SIK2: variants seen among roughly 807,000 people sequenced by gnomAD.
The protein encoded by SIK2 is salt inducible kinase 2.
Under a neutral mutation model 103.2 loss-of-function variants are expected in SIK2, and 29 were observed. The observed-to-expected ratio is 0.28, with a 90% CI of 0.21 to 0.38. The LOEUF is 0.38. SIK2 is among the 10% of genes least tolerant of loss of function. The pLI is 1.00. For synonymous variants in SIK2, 412 were observed against 446.1 expected (o/e 0.92, Z 0.96); for missense variants, 879 against 1,171.0 (o/e 0.75, Z 3.64).
At chr11:111,684,848 G>A (rs757362415) in intron 3 of SIK2, among the ~76,000 whole-genome samples, 1 of 152,208 alleles carries the variant, frequency 6.6e-6, no homozygotes, top group Non-Finnish European at 1.5e-5. Context: ...GCAAAGGCAA[G>A]AGGAAGATGT....
rs765575944 is a variant in SIK2 at position 111,723,626 on chromosome 11, C to A, written c.2278C>A (p.Pro760Thr). The change falls in exon 15 of 15, where the codon CCG becomes ACG. Residue 760 changes from proline to threonine, a missense_variant. Physicochemically the swap from Pro to Thr is conservative, Grantham distance 38 (BLOSUM62 -1). Coordinates refer to ENST00000304987, the MANE Select transcript of SIK2 (RefSeq NM_015191.3). ...QLPLPRQETP[P>T]PSQQAPPFSL... is the part of the protein sequence containing the mutation. The stretch of plus-strand genomic sequence containing the variant: ...GCCCCTTCCCCGCCAGGAGACTCCA[C>A]CGCCTTCTCAGCAGGCCCCACCGTT... The A allele has an allele frequency of 6.2e-7, 1 of 1,613,662 alleles. No homozygotes were observed. Among genetic ancestry groups the A allele is most frequent in the Non-Finnish European group, 8.5e-7 (1 of 1,179,978 alleles).
intron 3 of SIK2, among the ~76,000 whole-genome samples, chr11:111,625,839 C>T (rs185935470): frequency 2.6e-5 from 4 of 152,210 alleles, no homozygotes; most frequent in African/African-American, 9.6e-5. Flanking sequence ...GGCAATGAGT[C>T]AAGAGAAGGA....
At chr11:111,682,143 G>A (rs1942785772) in intron 3 of SIK2, among the ~76,000 whole-genome samples, 1 of 152,166 alleles carries the variant, frequency 6.6e-6, no homozygotes, top group Non-Finnish European at 1.5e-5. Context: ...AGAAGAATCA[G>A]ATGTTATATT....
intron 1 of SIK2, among the ~76,000 whole-genome samples, chr11:111,604,792 T>C (rs562894291): frequency 6.6e-6 from 1 of 152,284 alleles, no homozygotes; most frequent in African/African-American, 2.4e-5. Context: ...GAAGCTGTTA[T>C]TAACATATAA....
chr11:111,720,415 G>A, intron 10 of SIK2, 63 bp from the exon 11 acceptor site: 2 of 1,478,110 alleles, frequency 1.4e-6, no homozygotes, highest in Non-Finnish European at 1.8e-6. Context: ...GTTATGCTTT[G>A]TACCCTATGT....
intron 3 of SIK2, among the ~76,000 whole-genome samples, chr11:111,635,403 A>AGGAAGGAAGGAGGGAGGGAGGG (rs1942094472): frequency 7.4e-6 from 1 of 134,826 alleles, no homozygotes; most frequent in Non-Finnish European, 1.6e-5. Context: ...AAAGGGAGAA[A>AGGAAGGAAGGAGGGAGGGAGGG]GGAAGGAAGG....
chr11:111,610,126 G>T, intron 1 of SIK2, among the ~76,000 whole-genome samples: 1 of 152,136 alleles, frequency 6.6e-6, no homozygotes, highest in East Asian at 1.9e-4. Context: ...AGCAACTTTT[G>T]TATATGTGGT....
intron 3 of SIK2, among the ~76,000 whole-genome samples, chr11:111,629,765 G>A (rs1942012811): frequency 6.6e-6 from 1 of 152,032 alleles, no homozygotes; most frequent in South Asian, 2.1e-4. Flanking sequence ...AAACCACAGG[G>A]AGATATCATT....
chr11:111,721,889 G>C lies in SIK2; in HGVS notation c.2004G>C (p.Gln668His). 6.2e-7 allele frequency: 1 copy of C among 1,612,662 alleles called. No individual in the cohort carries two copies. The highest frequency in any genetic ancestry group is 8.5e-7 in the Non-Finnish European group (1 of 1,179,300). ...CTCTCCCTGCCAGCGTGCATCCCCAGCTGTCCCCACGGCAGAGCCTGGAGA... is the reference window on the plus strand; with the variant it reads ...CTCTCCCTGCCAGCGTGCATCCCCACCTGTCCCCACGGCAGAGCCTGGAGA... ...VSTLPASVHP[Q>H]LSPRQSLETQ... Residue 668 changes from glutamine to histidine, a missense_variant, in exon 13 of 15, where the codon CAG (glutamine) becomes CAC (histidine). Physicochemically the swap from Gln to His is conservative, Grantham distance 24. Coordinates refer to ENST00000304987, the MANE Select transcript of SIK2 (RefSeq NM_015191.3).
intron 9 of SIK2, 80 bp downstream of exon 9, chr11:111,712,455 T>C: frequency 7.1e-7 from 1 of 1,414,526 alleles, no homozygotes; most frequent in Non-Finnish European, 9.5e-7. Context: ...GTACTTTGGC[T>C]TTATTGAACT....
chr11:111,643,684 G>A (rs1461581216), intron 3 of SIK2, among the ~76,000 whole-genome samples: 6 of 151,518 alleles, frequency 4.0e-5, no homozygotes, highest in Non-Finnish European at 8.8e-5. Flanking sequence ...GGTGGTGCGC[G>A]CCTGTACTCC....
chr11:111,670,441 G>T (rs1197082847), intron 3 of SIK2, among the ~76,000 whole-genome samples: 1 of 152,208 alleles, frequency 6.6e-6, no homozygotes, highest in Non-Finnish European at 1.5e-5. Context: ...ATATTTCAAA[G>T]AATCAAATCC....
At chr11:111,622,087 G>C (rs1216157428) in intron 3 of SIK2, among the ~76,000 whole-genome samples, 2 of 151,444 alleles carry the variant, frequency 1.3e-5, no homozygotes, top group Non-Finnish European at 2.9e-5. Context: ...TTATCTATCA[G>C]TGTAGCTACC....
At chr11:111,664,160 T>C (rs1942504238) in intron 3 of SIK2, among the ~76,000 whole-genome samples, 1 of 152,252 alleles carries the variant, frequency 6.6e-6, no homozygotes, top group African/African-American at 2.4e-5. Flanking sequence ...AGTGTTGACC[T>C]AGTTCTGCAT....
intron 3 of SIK2, among the ~76,000 whole-genome samples, chr11:111,637,259 GTTA>G (rs1273305189): frequency 4.0e-5 from 6 of 151,356 alleles, no homozygotes; most frequent in Non-Finnish European, 1.5e-5. Context: ...TTGTTCCCTA[GTTA>G]TTTCTTTTAA....
In SIK2 at chr11:111,701,300, G is replaced by T; in HGVS notation, c.604-152G>T. 2.8e-6 allele frequency: 3 copies of T among 1,054,882 alleles called. No homozygotes were observed. Among genetic ancestry groups the T allele is most frequent in the Non-Finnish European group, 2.7e-6 (2 of 753,970 alleles). 65.3% of individuals were successfully genotyped at this position (1,054,882 alleles called of 1,614,324 possible). ...ATAAGATACTTATTGTAGTAGTCAG[G>T]GTTTTGGATTTTTTTCAAATTCTGA... On this transcript the variant is annotated intron_variant, in intron 5 of 14. Transcript: ENST00000304987. This position sits in a 1 kb window ranked among gnomAD's most constrained non-coding sequence, Gnocchi z 4.2.
At chr11:111,690,279 T>C (rs1034767260) in intron 4 of SIK2, among the ~76,000 whole-genome samples, 2 of 151,152 alleles carry the variant, frequency 1.3e-5, no homozygotes, top group African/African-American at 4.8e-5. Flanking sequence ...TTTCTTTTTT[T>C]TTTTTTTTTT....
chr11:111,712,617 CCT>C (rs1463859765), intron 9 of SIK2, among the ~76,000 whole-genome samples: 2 of 152,156 alleles, frequency 1.3e-5, no homozygotes, highest in African/African-American at 4.8e-5. Flanking sequence ...AAAAGTCCTC[CCT>C]GTCTTTCTCG....
rs2135824649 is a variant in SIK2, at chr11:111,602,513, C to T, written c.-51C>T. ...GCCCAAGCCAAGCCGCGCTGCCAAC[C>T]CTCCCGCCCGCCCGCGCTCCTGTCC... On this transcript the variant is annotated 5_prime_UTR_variant, in exon 1 of 15. Transcript: ENST00000304987. The surrounding 1 kb of genome is among the most constrained non-coding windows in gnomAD (Gnocchi z 4.5). 1 of 1,426,484 alleles carries T rather than the reference C, an allele frequency of 7.0e-7. No homozygotes were observed. The highest frequency in any genetic ancestry group is 2.5e-4 in the Middle Eastern group (1 of 3,942). The allele number at this position is 1,426,484 out of a possible 1,614,324, so 88.4% of individuals were successfully genotyped here. A position where few individuals can be genotyped will look rare whatever the true frequency, so the allele number is the denominator to read the frequency against.
Sources: gnomAD v4.1 joint callset for allele counts (sites outside exome capture counted in the v4.1 genomes callset) on GRCh38, gnomAD v4.1.1 for gene constraint, Gnocchi (gnomAD v3.1) non-coding constraint, MANE v1.5 for transcripts, NCBI Gene and HGNC (gene_info 2026-07-23, HGNC 2026-07-21) for gene names.